The following EPS15L1 variants were observed in gnomAD, a reference collection of about 807,000 sequenced individuals.
EPS15L1 encodes epidermal growth factor receptor substrate 15-like 1.
EPS15L1 carries 43 observed loss-of-function variants against 117.1 expected under a neutral mutation model. The ratio of observed to expected loss-of-function variants is 0.37; its 90% CI spans 0.29 to 0.47. The LOEUF is 0.47. Among genes scored for constraint, EPS15L1 ranks in the 20% least tolerant of loss-of-function variants. The pLI is 0.99. For missense variants in EPS15L1, 981 were observed against 1,164.0 expected (o/e 0.84, Z 2.29); for synonymous variants, 459 against 470.5 (o/e 0.98, Z 0.32).
intron 21 of EPS15L1, 76 bp downstream of exon 21, chr19:16,385,053 C>A (rs554412133): frequency 8.8e-7 from 1 of 1,142,586 alleles, no homozygotes. Flanking sequence ...TGAACAATTA[C>A]GCCTGGCAGC....
At chr19:16,445,210 G>A (rs1404328537) in intron 1 of EPS15L1, among the ~76,000 whole-genome samples, 1 of 152,218 alleles carries the variant, frequency 6.6e-6, no homozygotes, top group Admixed American at 6.5e-5. Flanking sequence ...TAATCCAGAA[G>A]AGTCGCTGAA....
At chr19:16,434,724 G>T (rs1353623593) in intron 6 of EPS15L1, 1 of 418,814 alleles carries the variant, frequency 2.4e-6, no homozygotes, top group Non-Finnish European at 4.3e-6. Flanking sequence ...CCTCAGGAGG[G>T]AGGCCCTGGC....
chr19:16,399,841 G>A lies in EPS15L1; in HGVS notation c.1791+2480C>T, dbSNP rs2092580026. ...CCGGCCAGTTCCTATTTAATAATCG[G>A]TTCTGGAAAGTCAATAAAAACTGGC... On this transcript the variant is annotated intron_variant, in intron 16 of 23. Transcript: ENST00000455140. 2.0e-5 allele frequency among the ~76,000 whole-genome samples: 3 copies of A among 152,148 alleles called. No homozygotes were observed. In the South Asian group the frequency reaches 6.2e-4, roughly 32 times the overall value.
chr19:16,361,938 C>A lies in EPS15L1; in HGVS notation c.2427G>T (p.Glu809Asp). The change falls in exon 23 of 24, where the codon GAG becomes GAT. Residue 809 changes from glutamate (E) to aspartate (D), a missense_variant. Glu to Asp is a conservative substitution (Grantham distance 45). Around this residue, in one of 5 missense-constraint regions of EPS15L1, gnomAD observed 819 missense variants for 949.0 expected, o/e 0.86. Coordinates refer to ENST00000455140, the MANE Select transcript of EPS15L1 (RefSeq NM_001258374.3). Reference protein sequence around the residue: ...VSQLGSADFPEAPDPFQPLGA... With the variant: ...VSQLGSADFPDAPDPFQPLGA... Reference sequence around the variant, plus strand: ...CGAGTGGCTGGAATGGATCGGGGGCCTCGGGAAAGTCTGCGGAACCAAGCT... The same window carrying A: ...CGAGTGGCTGGAATGGATCGGGGGCATCGGGAAAGTCTGCGGAACCAAGCT... The A allele has an allele frequency of 6.2e-7, 1 of 1,613,596 alleles. No individual in the cohort carries two copies. The highest frequency in any genetic ancestry group is 2.2e-5 in the East Asian group (1 of 44,888).
chr19:16,456,490 C>T (rs1429011022), intron 1 of EPS15L1, among the ~76,000 whole-genome samples: 1 of 151,944 alleles, frequency 6.6e-6, no homozygotes, highest in Non-Finnish European at 1.5e-5. Context: ...AACTCTATCT[C>T]TACTAAACAT....
Position 16,404,798 on chromosome 19 carries a change from T to C in EPS15L1, c.1267-49A>G, listed in dbSNP as rs774571388. 2 of 1,602,776 alleles carry C rather than the reference T, an allele frequency of 1.2e-6. No individual in the cohort carries two copies. Among genetic ancestry groups the C allele is most frequent in the Non-Finnish European group, 1.7e-6 (2 of 1,171,306 alleles). On this transcript the variant is annotated intron_variant, in intron 13 of 23. Transcript: ENST00000455140. The surrounding 1 kb of genome is among the most constrained non-coding windows in gnomAD (Gnocchi z 4.2). ...ACGTGAGGATGGGAAAAATGAAGCA[T>C]GTCCAAGATAACGGGGGGCAGCCTG...
At position 16,402,348 on chromosome 19, in the gene EPS15L1, C is replaced by A. The variant is rs1178993793; in HGVS notation, c.1764G>T (p.Leu588=). The change falls in exon 16 of 24, where the codon CTG becomes CTT. Residue 588 remains leucine, a synonymous_variant. Transcript: ENST00000455140. ...TGGCTCCAAAACTGCCCCTCTCTGC[C>A]AGGGAGACGCCTTCGCTCAGGTTGG... ...DLANLSEGVS[L]AERGSFGAMD... is the part of the protein sequence containing the mutation. 1 of 1,612,972 alleles carries A rather than the reference C, an allele frequency of 6.2e-7. No individual in the cohort carries two copies. Among genetic ancestry groups the A allele is most frequent in the Non-Finnish European group, 8.5e-7 (1 of 1,179,590 alleles).
intron 10 of EPS15L1, 124 bp downstream of exon 10, chr19:16,421,195 C>A: frequency 1.8e-6 from 2 of 1,104,962 alleles, no homozygotes. Flanking sequence ...GAATAAAGGA[C>A]GCCAGACACA....
intron 13 of EPS15L1, among the ~76,000 whole-genome samples, chr19:16,406,491 G>A (rs149867879): frequency 2.4e-4 from 36 of 152,330 alleles, no homozygotes; most frequent in African/African-American, 8.4e-4. Context: ...CCAATGCTCC[G>A]AGCGATGCTC....
chr19:16,425,025 C>T (rs1328779119), intron 9 of EPS15L1, 58 bp downstream of exon 9: 22 of 1,418,402 alleles, frequency 1.6e-5, no homozygotes, highest in African/African-American at 2.8e-5. Flanking sequence ...GTTAAGAACT[C>T]CCGAGAAACA....
At chr19:16,458,341 A>G (rs563846838) in intron 1 of EPS15L1, among the ~76,000 whole-genome samples, 2 of 152,304 alleles carry the variant, frequency 1.3e-5, no homozygotes, top group South Asian at 4.1e-4. Context: ...CATCATAGTC[A>G]GGGCATCAAA....
intron 22 of EPS15L1, among the ~76,000 whole-genome samples, chr19:16,376,561 C>G (rs569722623): frequency 3.9e-5 from 6 of 152,172 alleles, no homozygotes; most frequent in African/African-American, 1.4e-4. Context: ...CAGAGGGGAG[C>G]CCCGAGCCAT....
Position 16,361,810 on chromosome 19 carries a change from G to A in EPS15L1, c.2555C>T (p.Ala852Val). The change falls in exon 23 of 24, where the codon GCC becomes GTC. Residue 852 changes from alanine to valine, a missense_variant. Around this residue, in one of 5 missense-constraint regions of EPS15L1, gnomAD observed 819 missense variants for 949.0 expected, o/e 0.86. Coordinates refer to ENST00000455140, the MANE Select transcript of EPS15L1 (RefSeq NM_001258374.3). ...GAAGTCTGCAAAGCCCGAGGCAGAG[G>A]CCTTAGAAGGTTTAGCTGCAGAGGA... ...VPSSAAKPSK[A>V]SASGFADFTS... The A allele has an allele frequency of 1.2e-6, 2 of 1,613,956 alleles. No individual in the cohort carries two copies. The highest frequency in any genetic ancestry group is 1.1e-5 in the South Asian group (1 of 91,016).
intron 1 of EPS15L1, among the ~76,000 whole-genome samples, chr19:16,449,443 C>T (rs1486498824): frequency 2.0e-5 from 3 of 152,160 alleles, no homozygotes; most frequent in Non-Finnish European, 2.9e-5. Flanking sequence ...CCACTGCACG[C>T]TATCAGAGTG....
chr19:16,375,410 G>A (rs1178526586), intron 22 of EPS15L1, among the ~76,000 whole-genome samples: 2 of 151,976 alleles, frequency 1.3e-5, no homozygotes, highest in Non-Finnish European at 2.9e-5. Flanking sequence ...GGCCGCACGT[G>A]GGAATGTGCA....
At chr19:16,397,648 A>G (rs2092553981) in intron 16 of EPS15L1, among the ~76,000 whole-genome samples, 1 of 152,126 alleles carries the variant, frequency 6.6e-6, no homozygotes, top group Non-Finnish European at 1.5e-5. Flanking sequence ...ATGAGTACTT[A>G]TGCAGTTAGA....
intron 9 of EPS15L1, among the ~76,000 whole-genome samples, chr19:16,422,252 C>T (rs937580600): frequency 2.0e-5 from 3 of 152,170 alleles, no homozygotes; most frequent in South Asian, 2.1e-4. Flanking sequence ...AACCAGGGCC[C>T]GGTCACCTCC....
intron 12 of EPS15L1, among the ~76,000 whole-genome samples, chr19:16,414,855 G>A (rs1263758053): frequency 1.3e-5 from 2 of 151,794 alleles, no homozygotes; most frequent in African/African-American, 2.4e-5. Context: ...GACCACAGGT[G>A]TGCCCCACCA....
intron 23 of EPS15L1, chr19:16,356,854 C>T (rs1201932455): frequency 6.6e-6 from 1 of 152,204 alleles, no homozygotes; most frequent in African/African-American, 2.4e-5. Context: ...TCCCAGACTT[C>T]CCTGAGAGGT....
Sources: allele counts gnomAD v4.1 joint callset (sites outside exome capture counted in the v4.1 genomes callset), GRCh38; gene constraint gnomAD v4.1.1; regional missense constraint gnomAD v4.1.1; non-coding constraint Gnocchi (gnomAD v3.1); transcripts MANE v1.5; gene names NCBI Gene and HGNC (gene_info 2026-07-23, HGNC 2026-07-21).